LONP2: variants seen among roughly 807,000 people sequenced by gnomAD.
The protein encoded by LONP2 is lon peptidase 2, peroxisomal.
In LONP2, 60 loss-of-function variants were observed where a neutral mutation model predicts 85.6. That is an observed-to-expected ratio of 0.70 (90% CI 0.57 to 0.87). The LOEUF is 0.87. Among genes scored for constraint, LONP2 ranks in the 40% least tolerant of loss-of-function variants. LONP2 has a pLI of 0.00. For missense variants in LONP2, 860 were observed against 1,063.5 expected (o/e 0.81, Z 2.66); for synonymous variants, 395 against 389.7 (o/e 1.01, Z -0.16).
chr16:48,303,762 C>T (rs1419769091), intron 11 of LONP2, among the ~76,000 whole-genome samples: 2 of 152,098 alleles, frequency 1.3e-5, no homozygotes, highest in African/African-American at 4.8e-5. Context: ...CCCAAGAGCC[C>T]CCAGCAAACC....
intron 1 of LONP2, among the ~76,000 whole-genome samples, chr16:48,245,503 T>C (rs1971318637): frequency 6.6e-6 from 1 of 152,224 alleles, no homozygotes; most frequent in Non-Finnish European, 1.5e-5. Flanking sequence ...CAGTACTGTG[T>C]AGTGCATGTG....
chr16:48,315,926 C>T (rs1383359578), intron 11 of LONP2, among the ~76,000 whole-genome samples: 2 of 140,886 alleles, frequency 1.4e-5, no homozygotes, highest in Non-Finnish European at 1.5e-5. Flanking sequence ...TTGTGGTCTG[C>T]TATTAAGCCT....
intron 9 of LONP2, among the ~76,000 whole-genome samples, chr16:48,298,626 GGTGTGTGTGTGTGTGTGTGTGTGTGTGT>G (rs3138605): frequency 3.0e-5 from 4 of 134,396 alleles, no homozygotes; most frequent in East Asian, 2.2e-4. Context: ...ATTTAATTGA[GGTGTGTGTGTGTGTGTGTGTGTGTGTGT>G]GTGTGTGTGT....
At chr16:48,252,456 T>G in intron 2 of LONP2, 91 bp downstream of exon 2, 2 of 744,698 alleles carry the variant, frequency 2.7e-6, no homozygotes, top group Non-Finnish European at 4.3e-6. Flanking sequence ...AGTGAAGTTT[T>G]AGGACAGTAT....
At chr16:48,304,715 T>G (rs1255784938) in intron 11 of LONP2, among the ~76,000 whole-genome samples, 2 of 152,064 alleles carry the variant, frequency 1.3e-5, no homozygotes, top group East Asian at 3.9e-4. Flanking sequence ...AAAAAATAAA[T>G]AAGTAAATAA....
chr16:48,323,265 A>G (rs1398632950), intron 11 of LONP2, among the ~76,000 whole-genome samples: 2 of 152,230 alleles, frequency 1.3e-5, no homozygotes, highest in Admixed American at 1.3e-4. Context: ...TCATTTGCTT[A>G]CATCTCTAAA....
chr16:48,269,147 G>A (rs1245891588), intron 6 of LONP2, among the ~76,000 whole-genome samples: 2 of 150,868 alleles, frequency 1.3e-5, no homozygotes, highest in African/African-American at 2.4e-5. Flanking sequence ...CACTTCTGGT[G>A]AGACTTTGAT....
intron 1 of LONP2, among the ~76,000 whole-genome samples, chr16:48,249,883 T>C (rs1201070503): frequency 6.6e-6 from 1 of 151,970 alleles, no homozygotes; most frequent in Non-Finnish European, 1.5e-5. Context: ...AAAAATATTG[T>C]ATTTGCTTTA....
intron 1 of LONP2, 63 bp from the exon 2 acceptor site, chr16:48,252,068 G>C (rs1971664072): frequency 2.4e-6 from 3 of 1,234,682 alleles, no homozygotes; most frequent in Non-Finnish European, 3.3e-6. Context: ...AACACTTTCT[G>C]AAGTGAGTTT....
intron 14 of LONP2, among the ~76,000 whole-genome samples, chr16:48,349,133 A>C (rs1009246870): frequency 1.3e-4 from 20 of 152,114 alleles, no homozygotes; most frequent in African/African-American, 4.8e-4. Flanking sequence ...AAATAGTGTG[A>C]TAAAATGTAC....
intron 11 of LONP2, among the ~76,000 whole-genome samples, chr16:48,331,533 G>T (rs1355956732): frequency 6.6e-6 from 1 of 151,910 alleles, no homozygotes; most frequent in Non-Finnish European, 1.5e-5. Flanking sequence ...GTGATAAATA[G>T]TGCATTGCTC....
chr16:48,266,391 A>G (rs1555477599), intron 6 of LONP2, among the ~76,000 whole-genome samples: 1 of 151,376 alleles, frequency 6.6e-6, no homozygotes, highest in Non-Finnish European at 1.5e-5. Flanking sequence ...CAAATGTAGT[A>G]TGTACATTTT....
At chr16:48,334,072 C>A in intron 11 of LONP2, 144 bp from the exon 12 acceptor site, 1 of 685,846 alleles carries the variant, frequency 1.5e-6, no homozygotes, top group South Asian at 2.0e-5. Context: ...TCCACAGATA[C>A]ACAGGTGAAT....
chr16:48,339,488 GA>G (rs1180996166), intron 12 of LONP2, among the ~76,000 whole-genome samples: 3 of 152,210 alleles, frequency 2.0e-5, no homozygotes, highest in Non-Finnish European at 2.9e-5. Context: ...CAGCTCTTTA[GA>G]AGTTTGGCTG....
At chr16:48,261,619 TTTTCATTC>T (rs770451466) in intron 5 of LONP2, 32 bp downstream of exon 5, 1 of 1,472,592 alleles carries the variant, frequency 6.8e-7, no homozygotes, top group Non-Finnish European at 9.1e-7. Context: ...TTCATTATTG[TTTTCATTC>T]TTGGTACTCC....
chr16:48,289,904 T>C (rs1305468796), intron 8 of LONP2, among the ~76,000 whole-genome samples: 1 of 152,308 alleles, frequency 6.6e-6, no homozygotes, highest in South Asian at 2.1e-4. Flanking sequence ...CATCATATCT[T>C]ATATATATTA....
At chr16:48,262,055 T>C (rs1971890492) in intron 5 of LONP2, among the ~76,000 whole-genome samples, 1 of 152,214 alleles carries the variant, frequency 6.6e-6, no homozygotes, top group Non-Finnish European at 1.5e-5. Context: ...GCTTGAATGC[T>C]TAGTGACTTA....
In LONP2 at chr16:48,352,349, A is replaced by G. The variant is rs1227004261; in HGVS notation, c.*547A>G. The G allele has an allele frequency of 6.5e-6, 1 of 153,852 alleles. No homozygotes were observed. The allele number at this position is 153,852 out of a possible 1,614,324, so 9.5% of individuals were successfully genotyped here. The stretch of plus-strand genomic sequence containing the variant: ...TATAGCCAACTATTCTTGGCTATAT[A>G]TATATATTCAAGTGGGCCGGGCGTG... On this transcript the variant is annotated 3_prime_UTR_variant, in exon 15 of 15. Coordinates refer to ENST00000285737, the MANE Select transcript of LONP2 (RefSeq NM_031490.5).
In LONP2 at chr16:48,351,819, T is replaced by C; in HGVS notation, c.*17T>C. 6.2e-7 allele frequency: 1 copy of C among 1,605,418 alleles called. No individual in the cohort carries two copies. Among genetic ancestry groups the C allele is most frequent in the Non-Finnish European group, 8.5e-7 (1 of 1,172,940 alleles). ...AAACTGTAGGTCCAAATCTCAATTT[T>C]TTAGAATTTTAAGTTATGAAGTGCT... On this transcript the variant is annotated 3_prime_UTR_variant, in exon 15 of 15. Coordinates refer to ENST00000285737, the MANE Select transcript of LONP2 (RefSeq NM_031490.5).
Sources: gnomAD v4.1 joint callset for allele counts (sites outside exome capture counted in the v4.1 genomes callset) on GRCh38, gnomAD v4.1.1 for gene constraint, MANE v1.5 for transcripts, NCBI Gene and HGNC (gene_info 2026-07-23, HGNC 2026-07-21) for gene names.